The following GRIN2A variants were observed in gnomAD, a reference collection of about 807,000 sequenced individuals.
GRIN2A encodes glutamate receptor ionotropic, NMDA 2A.
Under a neutral mutation model 113.4 loss-of-function variants are expected in GRIN2A, and 22 were observed. The observed-to-expected ratio is 0.19, with a 90% CI of 0.14 to 0.28. The LOEUF (loss-of-function observed/expected upper bound fraction) is 0.28, where lower values mean the gene tolerates loss of function less well. Among genes scored for constraint, GRIN2A ranks in the 10% least tolerant of loss-of-function variants. GRIN2A has a pLI of 1.00. For missense variants in GRIN2A, 1,502 were observed against 1,887.0 expected (o/e 0.80, Z 3.78); for synonymous variants, 827 against 738.4 (o/e 1.12, Z -1.94).
intron 3 of GRIN2A, among the ~76,000 whole-genome samples, chr16:9,922,984 C>G (rs2044386337): frequency 6.6e-6 from 1 of 152,092 alleles, no homozygotes; most frequent in South Asian, 2.1e-4. Context: ...GTTCCACAAG[C>G]AAATATTAGG....
intron 2 of GRIN2A, among the ~76,000 whole-genome samples, chr16:10,097,868 T>C (rs200965659): frequency 3.3e-5 from 5 of 152,144 alleles, no homozygotes; most frequent in Non-Finnish European, 7.4e-5. Context: ...AAATCCCTTC[T>C]AGACATTGGA....
At chr16:9,883,526 A>G (rs541423399) in intron 4 of GRIN2A, among the ~76,000 whole-genome samples, 107 of 152,380 alleles carry the variant, frequency 7.0e-4, no homozygotes, top group African/African-American at 2.4e-3. Context: ...GGGTGTCCTT[A>G]GCAAAGAGGA....
chr16:10,118,100 G>T (rs1218881841), intron 2 of GRIN2A, among the ~76,000 whole-genome samples: 1 of 152,186 alleles, frequency 6.6e-6, no homozygotes, highest in Admixed American at 6.5e-5. Flanking sequence ...ATCTGTTGTG[G>T]CTGGTGTTAT....
At chr16:10,094,623 T>C (rs533742882) in intron 2 of GRIN2A, among the ~76,000 whole-genome samples, 37 of 152,186 alleles carry the variant, frequency 2.4e-4, no homozygotes, top group African/African-American at 8.9e-4. Flanking sequence ...CTGATTTTTG[T>C]ATTTTTAGTA....
chr16:9,814,840 A>G (rs1243047045), intron 10 of GRIN2A, among the ~76,000 whole-genome samples: 1 of 151,996 alleles, frequency 6.6e-6, no homozygotes, highest in Non-Finnish European at 1.5e-5. Context: ...ACCAACATGG[A>G]GAAACCCCAT....
chr16:10,179,914 C>A (rs760024006), intron 2 of GRIN2A, 84 bp downstream of exon 2: 20 of 566,746 alleles, frequency 3.5e-5, no homozygotes, highest in Non-Finnish European at 5.2e-5. Flanking sequence ...AAGACAGATT[C>A]TAGGGGCGTC....
intron 4 of GRIN2A, among the ~76,000 whole-genome samples, chr16:9,878,822 C>G (rs1213033175): frequency 2.0e-5 from 3 of 151,642 alleles, no homozygotes; most frequent in African/African-American, 7.3e-5. Flanking sequence ...ACAACAACAA[C>G]AACAACAGCA....
chr16:9,901,769 CTT>C (rs2043930974), intron 3 of GRIN2A, among the ~76,000 whole-genome samples: 1 of 152,148 alleles, frequency 6.6e-6, no homozygotes, highest in South Asian at 2.1e-4. Context: ...GGGAAAATAT[CTT>C]TATATTAATC....
chr16:9,932,226 A>T (rs1172433966), intron 3 of GRIN2A, among the ~76,000 whole-genome samples: 1 of 152,170 alleles, frequency 6.6e-6, no homozygotes, highest in Non-Finnish European at 1.5e-5. Flanking sequence ...TAATCACATG[A>T]TGGCCTTTTT....
chr16:10,050,703 C>G (rs921372579), intron 2 of GRIN2A, among the ~76,000 whole-genome samples: 4 of 152,096 alleles, frequency 2.6e-5, no homozygotes, highest in African/African-American at 7.2e-5. Flanking sequence ...ATGGAATGCA[C>G]TTGAATCATT....
chr16:9,817,069 A>C, intron 10 of GRIN2A, among the ~76,000 whole-genome samples: 1 of 152,208 alleles, frequency 6.6e-6, no homozygotes, highest in Admixed American at 6.5e-5. Context: ...AATTTCAATA[A>C]ACAGTAAAAC....
chr16:10,006,637 T>C (rs1052644110), intron 2 of GRIN2A, among the ~76,000 whole-genome samples: 1 of 152,194 alleles, frequency 6.6e-6, no homozygotes, highest in African/African-American at 2.4e-5. Flanking sequence ...ACGTTCCTAT[T>C]GTACTCCCTC....
At chr16:10,083,332 G>A (rs1268264277) in intron 2 of GRIN2A, among the ~76,000 whole-genome samples, 2 of 152,200 alleles carry the variant, frequency 1.3e-5, no homozygotes, top group African/African-American at 4.8e-5. Flanking sequence ...TGTGGCCCCT[G>A]GGAGAAGGGA....
chr16:9,837,833 G>C lies in GRIN2A; in HGVS notation c.1651+2814C>G, dbSNP rs186992844. Among the ~76,000 whole-genome samples the C allele has an allele frequency of 4.6e-3, 698 of 152,284 alleles. 1 individual carries two copies. Among genetic ancestry groups the C allele is most frequent in the Middle Eastern group, 0.017 (5 of 294 alleles). On this transcript the variant is annotated intron_variant, in intron 7 of 12. Transcript: ENST00000330684. ...ATCCATGTCAGACGGAGGGACAAAA[G>C]GAACATAATGAGGTGTGTATTTGTC... is the stretch of plus-strand genomic sequence containing the variant.
At chr16:9,808,085 C>T (rs557379990) in intron 10 of GRIN2A, among the ~76,000 whole-genome samples, 1 of 152,336 alleles carries the variant, frequency 6.6e-6, no homozygotes, top group South Asian at 2.1e-4. Context: ...CCTAACCATT[C>T]TGCTGCAGAT....
Position 9,763,740 on chromosome 16 carries a change from C to G in GRIN2A, c.3804G>C (p.Gln1268His), listed in dbSNP as rs1303683757. 1 of 1,614,040 alleles carries G rather than the reference C, an allele frequency of 6.2e-7. No individual in the cohort carries two copies. The highest frequency in any genetic ancestry group is 8.5e-7 in the Non-Finnish European group (1 of 1,180,026). Reference sequence around the variant, plus strand: ...GGGCATTGTTCTGTGCCCAGTCCTGCTGGTAGACCTGCTCCCCGGTGGCTG... The same window carrying G: ...GGGCATTGTTCTGTGCCCAGTCCTGGTGGTAGACCTGCTCCCCGGTGGCTG... ...GNPATGEQVY[Q>H]QDWAQNNALQ... The change falls in exon 13 of 13, where the codon CAG becomes CAC. Residue 1268 changes from glutamine to histidine, a missense_variant. Transcript: ENST00000330684.
At chr16:9,812,158 G>A (rs777068361) in intron 10 of GRIN2A, among the ~76,000 whole-genome samples, 23 of 152,216 alleles carry the variant, frequency 1.5e-4, no homozygotes, top group South Asian at 2.1e-4. Flanking sequence ...GGGCTCTGGC[G>A]TAAGATTGAT....
chr16:9,980,669 G>A (rs985583742), intron 2 of GRIN2A, among the ~76,000 whole-genome samples: 2 of 152,100 alleles, frequency 1.3e-5, no homozygotes, highest in African/African-American at 4.8e-5. Flanking sequence ...AAAACAGGAT[G>A]AGTTCATGTC....
intron 2 of GRIN2A, among the ~76,000 whole-genome samples, chr16:10,133,381 G>A (rs1253642245): frequency 1.3e-5 from 2 of 152,202 alleles, no homozygotes; most frequent in African/African-American, 4.8e-5. Flanking sequence ...GCCAAGGCGG[G>A]TGGATCACCT....
Sources: gnomAD v4.1 joint callset for allele counts (sites outside exome capture counted in the v4.1 genomes callset) on GRCh38, gnomAD v4.1.1 for gene constraint, MANE v1.5 for transcripts, NCBI Gene and HGNC (gene_info 2026-07-23, HGNC 2026-07-21) for gene names.